The following TBCD variants were observed in gnomAD, a reference collection of about 807,000 sequenced individuals.
TBCD encodes the protein tubulin-specific chaperone D.
TBCD carries 105 observed loss-of-function variants against 169.3 expected under a neutral mutation model. The observed-to-expected ratio is 0.62, with a 90% CI of 0.53 to 0.73. The LOEUF is 0.73. TBCD is among the 30% of genes least tolerant of loss of function. The pLI is 0.00. For synonymous variants in TBCD, 700 were observed against 643.9 expected, an observed-to-expected ratio of 1.09 and a Z score of -1.32; for missense variants, 1,444 against 1,600.1, an observed-to-expected ratio of 0.90 and a Z score of 1.66.
chr17:82,902,838 G>C (rs1449014163), intron 18 of TBCD, among the ~76,000 whole-genome samples: 5 of 152,170 alleles, frequency 3.3e-5, no homozygotes, highest in African/African-American at 1.2e-4. Context: ...TGAGCTCTGC[G>C]GGTCGCTCCC....
At position 82,789,057 on chromosome 17, in the gene TBCD, TGTA is replaced by T. The variant is rs2049510742; in HGVS notation, c.771+7339_771+7341del. Among the ~76,000 whole-genome samples, 2 of 152,086 alleles carry T rather than the reference TGTA, an allele frequency of 1.3e-5. No homozygotes were observed. The highest frequency in any genetic ancestry group is 4.8e-5 in the African/African-American group (2 of 41,402). On this transcript the variant is annotated intron_variant, in intron 7 of 38. Transcript: ENST00000355528. This position sits in a 1 kb window ranked among gnomAD's most constrained non-coding sequence, Gnocchi z 4.8. ...GATGACCCACGTGGTCCTTTTTAGT[TGTA>T]GTGCTCTCTTGGGGCAAGGTTTTGG...
At chr17:82,941,370 G>T in intron 37 of TBCD, 29 bp from the exon 38 acceptor site, 1 of 1,558,200 alleles carries the variant, frequency 6.4e-7, no homozygotes, top group Non-Finnish European at 8.6e-7. Context: ...GGGCACTCGA[G>T]AGACTCACGG....
chr17:82,754,454 G>C (rs2047296545), intron 1 of TBCD, among the ~76,000 whole-genome samples: 1 of 152,194 alleles, frequency 6.6e-6, no homozygotes, highest in Non-Finnish European at 1.5e-5. Context: ...TAGTGACATG[G>C]TCTGCAGGAG....
chr17:82,833,593 G>A lies in TBCD; in HGVS notation c.1318+18659G>A, dbSNP rs9906115. ...GTGAGACATGCTTTCACGGTCACCC[G>A]GTTCCTGCTGGCCAGGAGGCATGGC... is the stretch of plus-strand genomic sequence containing the variant. On this transcript the variant is annotated intron_variant, in intron 13 of 38. Transcript: ENST00000355528. The surrounding 1 kb of genome is among the most constrained non-coding windows in gnomAD (Gnocchi z 4.7). Among the ~76,000 whole-genome samples the A allele has an allele frequency of 0.24, 35,804 of 152,082 alleles. 4,502 individuals carry two copies. The highest frequency in any genetic ancestry group is 0.46 in the East Asian group (2,364 of 5,156).
At chr17:82,818,616 C>T (rs1304822305) in intron 13 of TBCD, among the ~76,000 whole-genome samples, 1 of 152,134 alleles carries the variant, frequency 6.6e-6, no homozygotes, top group African/African-American at 2.4e-5. Context: ...AACAAACACA[C>T]ACACACAAAC....
Position 82,789,450 on chromosome 17 carries a change from C to T in TBCD, c.771+7729C>T, listed in dbSNP as rs1363838861. Among the ~76,000 whole-genome samples, 2 of 152,206 alleles carry T rather than the reference C, an allele frequency of 1.3e-5. No individual in the cohort carries two copies. The highest frequency in any genetic ancestry group is 2.1e-4 in the South Asian group (1 of 4,832). On this transcript the variant is annotated intron_variant, in intron 7 of 38. Transcript: ENST00000355528. This position sits in a 1 kb window ranked among gnomAD's most constrained non-coding sequence, Gnocchi z 4.8. ...AGGGGGCTTGGCGGGTCACCAGCCT[C>T]ACCCCGCTCAGTTCTTAGATGAGGA...
chr17:82,758,384 G>GGAAAAAAAAAAAAAAAAA (rs1555672563), intron 2 of TBCD, among the ~76,000 whole-genome samples: 3 of 25,000 alleles, frequency 1.2e-4, no homozygotes, highest in Non-Finnish European at 1.7e-4. Context: ...AAACGTCTCG[G>GGAAAAAAAAAAAAAAAAA]AAAAAAAAAA....
At chr17:82,916,318 C>T (rs1344092967) in intron 23 of TBCD, among the ~76,000 whole-genome samples, 1 of 152,082 alleles carries the variant, frequency 6.6e-6, no homozygotes, top group Non-Finnish European at 1.5e-5. Context: ...GATCTCGGCT[C>T]ACTGCAGCCT....
rs370740886 is a variant in TBCD at position 82,930,479 on chromosome 17, G to C, written c.2992-43G>C. On this transcript the variant is annotated intron_variant, in intron 32 of 38. Transcript: ENST00000355528. The surrounding 1 kb of genome is among the most constrained non-coding windows in gnomAD (Gnocchi z 5.2). Reference sequence around the variant, plus strand: ...TGTAGCCAAGCCTGAGGGGTGGCAGGCTCGGGGGTCCCACTGCCTTCTGAG... The same window carrying C: ...TGTAGCCAAGCCTGAGGGGTGGCAGCCTCGGGGGTCCCACTGCCTTCTGAG... 7 of 1,601,398 alleles carry C rather than the reference G, an allele frequency of 4.4e-6. No individual in the cohort carries two copies. Among genetic ancestry groups the C allele is most frequent in the African/African-American group, 1.3e-5 (1 of 74,722 alleles).
At position 82,753,833 on chromosome 17, in the gene TBCD, A is replaced by C. The variant is rs116585944; in HGVS notation, c.184+1456A>C. The stretch of plus-strand genomic sequence containing the variant: ...AGTTGCCATGGAGAAGATTTAGTTC[A>C]CGCAGAGCCGGTTGAAAGGGAGACT... On this transcript the variant is annotated intron_variant, in intron 1 of 38. Coordinates refer to ENST00000355528, the MANE Select transcript of TBCD (RefSeq NM_005993.5). 3.6e-4 allele frequency among the ~76,000 whole-genome samples: 54 copies of C among 148,844 alleles called. No homozygotes were observed. The East Asian group carries it at 6.2e-3, about 17-fold the overall frequency.
Position 82,923,526 on chromosome 17 carries a change from A to T in TBCD, c.2179-126A>T. The T allele has an allele frequency of 1.3e-6, 1 of 771,492 alleles. No homozygotes were observed. Among genetic ancestry groups the T allele is most frequent in the Non-Finnish European group, 2.1e-6 (1 of 468,766 alleles). The allele number at this position is 771,492 out of a possible 1,614,324, so 47.8% of individuals were successfully genotyped here. On this transcript the variant is annotated intron_variant, in intron 25 of 38. Coordinates refer to ENST00000355528, the MANE Select transcript of TBCD (RefSeq NM_005993.5). The surrounding 1 kb of genome is among the most constrained non-coding windows in gnomAD (Gnocchi z 4.6). The stretch of plus-strand genomic sequence containing the variant: ...CCCTGGTCAGGCAGGGGCTGCTCTG[A>T]CCTCAGGGTGACCACGGTGTCCCTG...
At position 82,930,738 on chromosome 17, in the gene TBCD, G is replaced by C. The variant is rs1451940656; in HGVS notation, c.3113+95G>C. On this transcript the variant is annotated intron_variant, in intron 33 of 38. Transcript: ENST00000355528. This position sits in a 1 kb window ranked among gnomAD's most constrained non-coding sequence, Gnocchi z 5.2. ...TCCCGGGGTCTCGCAGGGTCTGTCT[G>C]GGGTCTGAAGGGAGAAGCGAGACAC... 1 of 1,558,076 alleles carries C rather than the reference G, an allele frequency of 6.4e-7. No individual in the cohort carries two copies. Among genetic ancestry groups the C allele is most frequent in the African/African-American group, 1.4e-5 (1 of 73,616 alleles).
chr17:82,884,148 A>C lies in TBCD; in HGVS notation c.1479A>C (p.Ala493=), dbSNP rs112420156. The change falls in exon 15 of 39, where the codon GCA becomes GCC. Residue 493 remains alanine (A), a synonymous_variant. Coordinates refer to ENST00000355528, the MANE Select transcript of TBCD (RefSeq NM_005993.5). The surrounding 1 kb of genome is among the most constrained non-coding windows in gnomAD (Gnocchi z 4.2). Reference sequence around the variant, plus strand: ...TAATCCTTTCTCTTTTTCACAGTGCACTGGTGATTGCTGCGGTGTTTGACC... The same window carrying C: ...TAATCCTTTCTCTTTTTCACAGTGCCCTGGTGATTGCTGCGGTGTTTGACC... ...LKPFVTAISS[A]LVIAAVFDRD... 0.022 allele frequency: 34,631 copies of C among 1,608,724 alleles called. 560 individuals are homozygous for C. Among genetic ancestry groups the C allele is most frequent in the African/African-American group, 0.081 (6,039 of 74,948 alleles).
At position 82,874,465 on chromosome 17, in the gene TBCD, G is replaced by T. The variant is rs2057822140; in HGVS notation, c.1475+4085G>T. Among the ~76,000 whole-genome samples the T allele has an allele frequency of 6.6e-6, 1 of 152,148 alleles. No homozygotes were observed. Among genetic ancestry groups the T allele is most frequent in the African/African-American group, 2.4e-5 (1 of 41,438 alleles). ...CCTTGCGCACACCGAGCCAGCAGCT[G>T]CTGGGGCCTCAGGGCTCGCAGCTCA... On this transcript the variant is annotated intron_variant, in intron 14 of 38. Coordinates refer to ENST00000355528, the MANE Select transcript of TBCD (RefSeq NM_005993.5). This position sits in a 1 kb window ranked among gnomAD's most constrained non-coding sequence, Gnocchi z 5.0.
chr17:82,859,445 G>A (rs993732491), intron 13 of TBCD, among the ~76,000 whole-genome samples: 15 of 147,784 alleles, frequency 1.0e-4, no homozygotes, highest in African/African-American at 9.9e-5. Flanking sequence ...AGAGAGTCTC[G>A]TGGGTCGTCT....
At chr17:82,934,850 GCACTTTGGGAGGC>G (rs1438681873) in intron 34 of TBCD, among the ~76,000 whole-genome samples, 1 of 151,888 alleles carries the variant, frequency 6.6e-6, no homozygotes, top group East Asian at 2.0e-4. Context: ...TGTAATCCCA[GCACTTTGGGAGGC>G]CAAGGCGAGT....
rs771663402 is a variant in TBCD, at chr17:82,864,686, G to A, written c.1319-5538G>A. On this transcript the variant is annotated intron_variant, in intron 13 of 38. Transcript: ENST00000355528. This position sits in a 1 kb window ranked among gnomAD's most constrained non-coding sequence, Gnocchi z 6.3. ...TGGGTGACTTTCCTGTGGAAAGAGC[G>A]GGCTTGGGGCTTGGTGCGTGATCCC... Among the ~76,000 whole-genome samples the A allele has an allele frequency of 1.3e-5, 2 of 152,190 alleles. No individual in the cohort carries two copies. Among genetic ancestry groups the A allele is most frequent in the Admixed American group, 6.5e-5 (1 of 15,288 alleles).
intron 30 of TBCD, 89 bp from the exon 31 acceptor site, chr17:82,929,024 A>G (rs1185788880): frequency 2.7e-6 from 4 of 1,504,232 alleles, no homozygotes; most frequent in Admixed American, 3.7e-5. Flanking sequence ...CTTGGGCTGG[A>G]GTCACGGCTC....
At chr17:82,843,022 C>T (rs186241873) in intron 13 of TBCD, among the ~76,000 whole-genome samples, 1,971 of 152,016 alleles carry the variant, frequency 0.013, 56 homozygotes, top group African/African-American at 0.045. Context: ...CCTCGTGATC[C>T]GCCCGCCTCG....
Sources: gnomAD v4.1 joint callset for allele counts (sites outside exome capture counted in the v4.1 genomes callset) on GRCh38, gnomAD v4.1.1 for gene constraint, Gnocchi (gnomAD v3.1) non-coding constraint, MANE v1.5 for transcripts, NCBI Gene and HGNC (gene_info 2026-07-23, HGNC 2026-07-21) for gene names.